The following PAK5 variants were observed in gnomAD, a reference collection of about 807,000 sequenced individuals.
PAK5 encodes the protein serine/threonine-protein kinase PAK 5.
In PAK5, 16 loss-of-function variants were observed where a neutral mutation model predicts 65.9. The observed-to-expected ratio is 0.24, with a 90% CI of 0.16 to 0.37. The LOEUF (loss-of-function observed/expected upper bound fraction) is 0.37. Among genes scored for constraint, PAK5 ranks in the 10% least tolerant of loss-of-function variants. PAK5 has a pLI of 1.00. For missense variants in PAK5, 785 were observed against 903.9 expected (o/e 0.87, Z 1.69); for synonymous variants, 371 against 354.9 (o/e 1.05, Z -0.51).
At chr20:9,629,906 A>T (rs989882200) in intron 3 of PAK5, among the ~76,000 whole-genome samples, 1 of 152,214 alleles carries the variant, frequency 6.6e-6, no homozygotes, top group Non-Finnish European at 1.5e-5. Context: ...GACATTGAGG[A>T]TGCTGATGGT....
At position 9,538,122 on chromosome 20, in the gene PAK5, C is replaced by T. The variant is rs2045199728; in HGVS notation, c.*1340G>A. ...TTAAAGGCAAATCTATATTGGCCTA[C>T]AGTTAACATGCAAATTCATCCAACA... is the stretch of plus-strand genomic sequence containing the variant. On this transcript the variant is annotated 3_prime_UTR_variant, in exon 10 of 10. Transcript: ENST00000353224. 4.3e-6 allele frequency: 1 copy of T among 233,156 alleles called. No individual in the cohort carries two copies. The highest frequency in any genetic ancestry group is 1.8e-4 in the South Asian group (1 of 5,522). The allele number at this position is 233,156 out of a possible 1,614,324, so 14.4% of individuals were successfully genotyped here. A position where few individuals can be genotyped will look rare whatever the true frequency, so the allele number is the denominator to read the frequency against.
intron 1 of PAK5, among the ~76,000 whole-genome samples, chr20:9,775,777 T>C (rs2048881283): frequency 6.6e-6 from 1 of 152,210 alleles, no homozygotes; most frequent in Admixed American, 6.5e-5. Context: ...TAAATTGCAG[T>C]TGTACCTCTT....
chr20:9,682,715 T>C (rs1359194171), intron 2 of PAK5, among the ~76,000 whole-genome samples: 1 of 152,196 alleles, frequency 6.6e-6, no homozygotes, highest in African/African-American at 2.4e-5. Context: ...CTTTATGTTC[T>C]TACACAAGTT....
In PAK5 at chr20:9,542,462, C is replaced by T. The variant is rs892856528; in HGVS notation, c.2004+124G>A. ...GAGATTCAAACCTAAGTGACTATTT[C>T]CAAAGTCCATGCTCATAAACCAGGA... On this transcript the variant is annotated intron_variant, in intron 9 of 9. Coordinates refer to ENST00000353224, the MANE Select transcript of PAK5 (RefSeq NM_177990.4). The T allele has an allele frequency of 3.1e-6, 3 of 970,242 alleles. No individual in the cohort carries two copies. In the African/African-American group the frequency reaches 4.8e-5, roughly 16 times the overall value. 60.1% of individuals were successfully genotyped at this position (970,242 alleles called of 1,614,324 possible).
At chr20:9,586,032 A>C (rs1023914441) in intron 3 of PAK5, among the ~76,000 whole-genome samples, 1 of 152,204 alleles carries the variant, frequency 6.6e-6, no homozygotes, top group African/African-American at 2.4e-5. Context: ...TGAGGCTCAG[A>C]GGTGATCTGT....
intron 2 of PAK5, among the ~76,000 whole-genome samples, chr20:9,675,598 C>T (rs1445995542): frequency 1.3e-5 from 2 of 152,134 alleles, no homozygotes; most frequent in African/African-American, 4.8e-5. Context: ...ACACTTCAGC[C>T]TCCTGAGAAG....
At chr20:9,750,712 T>C (rs1014025036) in intron 1 of PAK5, among the ~76,000 whole-genome samples, 9 of 152,138 alleles carry the variant, frequency 5.9e-5, no homozygotes, top group African/African-American at 1.7e-4. Context: ...CAGTAGATTC[T>C]ATGACTAGAA....
chr20:9,664,747 A>C (rs1199593825), intron 2 of PAK5, among the ~76,000 whole-genome samples: 1 of 152,170 alleles, frequency 6.6e-6, no homozygotes, highest in Non-Finnish European at 1.5e-5. Context: ...AATGGTTCAT[A>C]GCCTTCAGCT....
intron 3 of PAK5, among the ~76,000 whole-genome samples, chr20:9,621,165 C>T (rs2046760874): frequency 6.6e-6 from 1 of 151,882 alleles, no homozygotes; most frequent in African/African-American, 2.4e-5. Flanking sequence ...ATGGTCACTG[C>T]TGAGACATGA....
intron 1 of PAK5, among the ~76,000 whole-genome samples, chr20:9,762,878 C>G (rs1294540463): frequency 6.6e-6 from 1 of 152,040 alleles, no homozygotes; most frequent in Non-Finnish European, 1.5e-5. Flanking sequence ...TGCCCATGAA[C>G]AGGAAAATGG....
chr20:9,635,539 G>T (rs73240960), intron 3 of PAK5, among the ~76,000 whole-genome samples: 338 of 151,846 alleles, frequency 2.2e-3, no homozygotes, highest in African/African-American at 7.9e-3. Flanking sequence ...GCTTGTTCCT[G>T]CCACAGGGTC....
chr20:9,547,539 A>G (rs1397009124), intron 7 of PAK5, among the ~76,000 whole-genome samples: 1 of 152,232 alleles, frequency 6.6e-6, no homozygotes, highest in Non-Finnish European at 1.5e-5. Context: ...CCAAGGATAC[A>G]GAGCTAGTAA....
At chr20:9,626,970 C>CA (rs890766886) in intron 3 of PAK5, among the ~76,000 whole-genome samples, 128 of 151,174 alleles carry the variant, frequency 8.5e-4, no homozygotes, top group Middle Eastern at 6.8e-3. Flanking sequence ...ATTCAAAATT[C>CA]AAAAAAAAGA....
chr20:9,543,932 T>C lies in PAK5; in HGVS notation c.1869+437A>G, dbSNP rs151285896. 4.9e-4 allele frequency among the ~76,000 whole-genome samples: 74 copies of C among 152,346 alleles called. 2 individuals are homozygous for C. The highest frequency in any genetic ancestry group is 1.6e-3 in the African/African-American group (66 of 41,586). On this transcript the variant is annotated intron_variant, in intron 8 of 9. Transcript: ENST00000353224. ...AGTGTAGGTCCTTCACTGTGAGATG[T>C]AAACTGTGTTGAAAACAGTGGGTCA...
chr20:9,620,072 G>A (rs140734075), intron 3 of PAK5, among the ~76,000 whole-genome samples: 3 of 152,302 alleles, frequency 2.0e-5, no homozygotes, highest in Non-Finnish European at 2.9e-5. Context: ...TAACATGGAC[G>A]GAAGTTCTGT....
intron 1 of PAK5, among the ~76,000 whole-genome samples, chr20:9,786,694 A>T (rs1264266778): frequency 1.3e-5 from 2 of 152,172 alleles, no homozygotes; most frequent in Non-Finnish European, 2.9e-5. Flanking sequence ...TATAATTGAT[A>T]TGTGGATAAG....
intron 1 of PAK5, among the ~76,000 whole-genome samples, chr20:9,739,228 CTTT>C (rs55690747): frequency 1.4e-5 from 2 of 145,658 alleles, no homozygotes; most frequent in Non-Finnish European, 3.0e-5. Context: ...TCTTTGCTTT[CTTT>C]TTTTTTTTTT....
At chr20:9,679,104 G>A (rs774359630) in intron 2 of PAK5, among the ~76,000 whole-genome samples, 14 of 152,258 alleles carry the variant, frequency 9.2e-5, no homozygotes, top group South Asian at 2.1e-4. Context: ...CATAAAGCGA[G>A]GATGAAGATA....
chr20:9,541,972 A>G (rs1004697194), intron 9 of PAK5, among the ~76,000 whole-genome samples: 1 of 152,136 alleles, frequency 6.6e-6, no homozygotes, highest in Admixed American at 6.5e-5. Context: ...AGGCCTCTCC[A>G]GGCATGTGGA....
Sources: gnomAD v4.1 joint callset for allele counts (sites outside exome capture counted in the v4.1 genomes callset) on GRCh38, gnomAD v4.1.1 for gene constraint, MANE v1.5 for transcripts, NCBI Gene and HGNC (gene_info 2026-07-23, HGNC 2026-07-21) for gene names.